The following SEMA6D variants were observed in gnomAD, a reference collection of about 807,000 sequenced individuals.
SEMA6D encodes semaphorin 6D.
Under a neutral mutation model 106.6 loss-of-function variants are expected in SEMA6D, and 35 were observed. That is an observed-to-expected ratio of 0.33 (90% CI 0.25 to 0.44). SEMA6D has a LOEUF of 0.44. SEMA6D is among the 20% of genes least tolerant of loss of function. SEMA6D has a pLI of 1.00. For missense variants in SEMA6D, 1,185 were observed against 1,345.9 expected (o/e 0.88, Z 1.87); for synonymous variants, 499 against 487.7 (o/e 1.02, Z -0.31).
chr15:47,243,960 A>C (rs779463643), intron 1 of SEMA6D, among the ~76,000 whole-genome samples: 9 of 152,174 alleles, frequency 5.9e-5, no homozygotes, highest in African/African-American at 2.2e-4. Flanking sequence ...TTACAATCTC[A>C]GTGGAGAAGG....
At chr15:47,427,498 G>GA (rs1341113777) in intron 2 of SEMA6D, among the ~76,000 whole-genome samples, 9 of 152,066 alleles carry the variant, frequency 5.9e-5, no homozygotes, top group Non-Finnish European at 1.2e-4. Context: ...TGATTCAGTG[G>GA]AAAATTCTTT....
chr15:47,454,158 T>C (rs983042486), intron 2 of SEMA6D, among the ~76,000 whole-genome samples: 7 of 151,726 alleles, frequency 4.6e-5, no homozygotes, highest in Non-Finnish European at 5.9e-5. Flanking sequence ...GGCTCTGTGC[T>C]CATAAGATAC....
At chr15:47,561,611 T>C (rs1180777588) in intron 3 of SEMA6D, among the ~76,000 whole-genome samples, 1 of 151,388 alleles carries the variant, frequency 6.6e-6, no homozygotes, top group African/African-American at 2.4e-5. Flanking sequence ...ATTTTAAATA[T>C]AGGTAAATAG....
intron 4 of SEMA6D, among the ~76,000 whole-genome samples, chr15:47,688,541 G>A (rs2078518433): frequency 6.6e-6 from 1 of 152,150 alleles, no homozygotes. Flanking sequence ...GAGCTGTTAA[G>A]GGTTTTATAG....
At position 47,239,924 on chromosome 15, in the gene SEMA6D, T is replaced by A. The variant is rs145176254; in HGVS notation, c.-239+55506T>A. On this transcript the variant is annotated intron_variant, in intron 1 of 19. Transcript: ENST00000558014. Reference sequence around the variant, plus strand: ...TCAGTTACATCATCTGTAAATGGGGTGGTAATATTTATCTTTAAAAGTTAT... The same window carrying A: ...TCAGTTACATCATCTGTAAATGGGGAGGTAATATTTATCTTTAAAAGTTAT... 7.2e-5 allele frequency among the ~76,000 whole-genome samples: 11 copies of A among 152,292 alleles called. No individual in the cohort carries two copies. The East Asian group carries it at 2.1e-3, about 29-fold the overall frequency.
At chr15:47,312,744 T>C (rs144059010) in intron 1 of SEMA6D, among the ~76,000 whole-genome samples, 202 of 152,328 alleles carry the variant, frequency 1.3e-3, no homozygotes, top group African/African-American at 4.7e-3. Flanking sequence ...TATAACCCAG[T>C]ATATCTAGTG....
intron 4 of SEMA6D, among the ~76,000 whole-genome samples, chr15:47,676,491 C>T (rs1002210560): frequency 1.3e-5 from 2 of 152,184 alleles, no homozygotes; most frequent in African/African-American, 4.8e-5. Flanking sequence ...AGTGCCATGA[C>T]TACCCCTAGA....
At chr15:47,737,004 A>G (rs2080482402) in intron 1 of SEMA6D, among the ~76,000 whole-genome samples, 1 of 152,186 alleles carries the variant, frequency 6.6e-6, no homozygotes, top group African/African-American at 2.4e-5. Flanking sequence ...CACTCTAAAA[A>G]TAGGAATTGC....
chr15:47,219,268 T>C (rs1488663436), intron 1 of SEMA6D, among the ~76,000 whole-genome samples: 12 of 152,186 alleles, frequency 7.9e-5, no homozygotes, highest in Non-Finnish European at 2.9e-5. Context: ...TGCTCACCAC[T>C]CTTCTCCATA....
chr15:47,523,371 AATGGAAGCCAAG>A (rs2044649245), intron 3 of SEMA6D, among the ~76,000 whole-genome samples: 2 of 152,082 alleles, frequency 1.3e-5, no homozygotes, highest in Admixed American at 6.5e-5. Flanking sequence ...GGGGCTTCCC[AATGGAAGCCAAG>A]TTTCAGCTGT....
intron 4 of SEMA6D, among the ~76,000 whole-genome samples, chr15:47,617,981 T>G (rs1016800943): frequency 2.0e-5 from 3 of 152,258 alleles, no homozygotes; most frequent in African/African-American, 7.2e-5. Context: ...TCTCCCTTAA[T>G]TGAGTTGATT....
At chr15:47,763,684 T>C (rs139549764) in intron 9 of SEMA6D, among the ~76,000 whole-genome samples, 166 bp from the exon 10 acceptor site, 133 of 152,316 alleles carry the variant, frequency 8.7e-4, no homozygotes, top group African/African-American at 3.2e-3. Flanking sequence ...CACAGGTGAA[T>C]CTAGTTTACC....
At chr15:47,294,852 A>G (rs17285924) in intron 1 of SEMA6D, among the ~76,000 whole-genome samples, 2,121 of 152,320 alleles carry the variant, frequency 0.014, 24 homozygotes, top group African/African-American at 0.031. Flanking sequence ...ATTGACAAAG[A>G]TGGAGATGAG....
At chr15:47,636,963 A>T (rs2077400279) in intron 4 of SEMA6D, among the ~76,000 whole-genome samples, 1 of 152,114 alleles carries the variant, frequency 6.6e-6, no homozygotes, top group Non-Finnish European at 1.5e-5. Context: ...TAGTAATTTG[A>T]TACCTGATGA....
chr15:47,429,109 G>A (rs371672353), intron 2 of SEMA6D, among the ~76,000 whole-genome samples: 1 of 151,986 alleles, frequency 6.6e-6, no homozygotes, highest in African/African-American at 2.4e-5. Context: ...TGAGTGTAAG[G>A]CTTCCTGAGA....
intron 1 of SEMA6D, among the ~76,000 whole-genome samples, chr15:47,337,825 T>G (rs1411132523): frequency 6.6e-6 from 1 of 152,130 alleles, no homozygotes; most frequent in African/African-American, 2.4e-5. Context: ...CTGGGGAGGA[T>G]GCTGCTAAGA....
In SEMA6D at chr15:47,529,378, A is replaced by G. The variant is rs374570978; in HGVS notation, c.-87+58833A>G. The stretch of plus-strand genomic sequence containing the variant: ...TATTGACAAAAATCTGCATATAAGC[A>G]TATAAGTGGACTAGCACAGTTCAAA... On this transcript the variant is annotated intron_variant, in intron 3 of 19. Transcript: ENST00000558014. Among the ~76,000 whole-genome samples the G allele has an allele frequency of 7.9e-5, 12 of 152,284 alleles. No individual in the cohort carries two copies. The East Asian group carries it at 2.3e-3, about 29-fold the overall frequency.
At chr15:47,354,274 TTATATA>T (rs1204552538) in intron 1 of SEMA6D, among the ~76,000 whole-genome samples, 1 of 137,670 alleles carries the variant, frequency 7.3e-6, no homozygotes, top group Non-Finnish European at 1.5e-5. Context: ...ATGACAAGAA[TTATATA>T]TATATATGGA....
intron 18 of SEMA6D, 78 bp from the exon 19 acceptor site, chr15:47,770,419 G>T: frequency 8.1e-7 from 1 of 1,242,132 alleles, no homozygotes; most frequent in Non-Finnish European, 1.1e-6. Flanking sequence ...GGTCGTGTTG[G>T]CTCACTGAAA....
Sources: gnomAD v4.1 joint callset for allele counts (sites outside exome capture counted in the v4.1 genomes callset) on GRCh38, gnomAD v4.1.1 for gene constraint, MANE v1.5 for transcripts, NCBI Gene and HGNC (gene_info 2026-07-23, HGNC 2026-07-21) for gene names.